The following NLRP5 variants were observed in gnomAD, a reference collection of about 807,000 sequenced individuals.
NLRP5 encodes the protein NACHT, LRR and PYD domains-containing protein 5.
In NLRP5, 93 loss-of-function variants were observed where a neutral mutation model predicts 113.1. The observed-to-expected ratio is 0.82, with a 90% confidence interval of 0.70 to 0.98. The LOEUF is 0.98. NLRP5 is among the 50% of genes least tolerant of loss of function. The pLI is 0.00. For synonymous variants in NLRP5, 751 were observed against 600.7 expected (o/e 1.25, Z -3.66); for missense variants, 1,808 against 1,514.3 (o/e 1.19, Z -3.22).
chr19:55,988,164 G>A, the NLRP5 span: 10 of 272,490 alleles, frequency 3.7e-5, no homozygotes, highest in Non-Finnish European at 6.3e-5. Flanking sequence ...GGTCGAGGTG[G>A]GCAGATTACC....
intron 11 of NLRP5, among the ~76,000 whole-genome samples, chr19:56,048,536 AAAC>A (rs1983808850): frequency 6.6e-6 from 1 of 151,600 alleles, no homozygotes; most frequent in Non-Finnish European, 1.5e-5. Flanking sequence ...TTCAAGGAAC[AAAC>A]AAGGGCCCCA....
chr19:56,017,375 G>A (rs1202842677), intron 4 of NLRP5, among the ~76,000 whole-genome samples: 1 of 141,094 alleles, frequency 7.1e-6, no homozygotes, highest in East Asian at 2.3e-4. Context: ...ACTTTAAGGT[G>A]GGAAGTTATA....
At chr19:56,053,945 C>A in intron 13 of NLRP5, 137 bp downstream of exon 13, 3 of 720,486 alleles carry the variant, frequency 4.2e-6, no homozygotes. Context: ...ACCTTCGCAG[C>A]ACCACAGATC....
intron 14 of NLRP5, among the ~76,000 whole-genome samples, chr19:56,059,853 A>C (rs1475273077): frequency 2.0e-5 from 3 of 152,142 alleles, no homozygotes; most frequent in African/African-American, 7.2e-5. Context: ...ATCAATAGAA[A>C]ATTTCTCAGT....
At chr19:56,010,851 G>A (rs536306954) in intron 3 of NLRP5, among the ~76,000 whole-genome samples, 1 of 150,282 alleles carries the variant, frequency 6.7e-6, no homozygotes, top group African/African-American at 2.5e-5. Flanking sequence ...ATATTATTTG[G>A]CATAAAAAGG....
intron 4 of NLRP5, among the ~76,000 whole-genome samples, chr19:56,017,489 TC>T (rs1982453894): frequency 6.6e-6 from 1 of 152,210 alleles, no homozygotes; most frequent in Non-Finnish European, 1.5e-5. Context: ...TCCACTCATT[TC>T]AAAGTATTTA....
the NLRP5 span, among the ~76,000 whole-genome samples, chr19:55,987,446 TAGG>T: frequency 2.0e-5 from 3 of 152,200 alleles, no homozygotes; most frequent in Admixed American, 6.5e-5. Context: ...CTGCATTTGG[TAGG>T]AGTCCAGAGG....
At chr19:56,029,178 C>A (rs1982997229) in intron 7 of NLRP5, among the ~76,000 whole-genome samples, 4 of 152,160 alleles carry the variant, frequency 2.6e-5, no homozygotes, top group Admixed American at 2.6e-4. Flanking sequence ...AGTAGGACAG[C>A]CACCAGCCTC....
At chr19:56,030,474 G>A (rs1324738201) in intron 7 of NLRP5, among the ~76,000 whole-genome samples, 1 of 152,088 alleles carries the variant, frequency 6.6e-6, no homozygotes, top group Non-Finnish European at 1.5e-5. Flanking sequence ...AAGTACAAAT[G>A]CTTGCTTTTT....
At chr19:55,995,549 C>G (rs1435566353), upstream of NLRP5, among the ~76,000 whole-genome samples, 1 of 152,098 alleles carries the variant, frequency 6.6e-6, no homozygotes, top group Admixed American at 6.6e-5. Flanking sequence ...TTTCTTTTTG[C>G]TCAAAATTGT....
At chr19:56,004,624 T>C (rs73934612) in intron 2 of NLRP5, among the ~76,000 whole-genome samples, 3,030 of 152,282 alleles carry the variant, frequency 0.02, 95 homozygotes, top group African/African-American at 0.069. Flanking sequence ...GCTTGGACTT[T>C]CTTGGGCTAT....
intron 11 of NLRP5, among the ~76,000 whole-genome samples, chr19:56,048,830 C>T (rs895543561): frequency 6.6e-6 from 1 of 151,694 alleles, no homozygotes; most frequent in East Asian, 1.9e-4. Context: ...CTTTAGAATT[C>T]TTTTTTCTCA....
intron 2 of NLRP5, among the ~76,000 whole-genome samples, chr19:56,005,905 A>G (rs570914858): frequency 6.6e-6 from 1 of 152,208 alleles, no homozygotes; most frequent in Non-Finnish European, 1.5e-5. Flanking sequence ...TGAAGCTGTG[A>G]TAGAGGATCT....
rs549379203 is a variant in NLRP5, at chr19:56,055,647, C to T, written c.3299+1839C>T. Among the ~76,000 whole-genome samples the T allele has an allele frequency of 5.4e-5, 8 of 148,244 alleles. No homozygotes were observed. The South Asian group carries it at 1.7e-3, about 32-fold the overall frequency. On this transcript the variant is annotated intron_variant, in intron 13 of 14. Transcript: ENST00000390649. ...TGCAAGCTCCGCCTCCCAGGTTCAC[C>T]CCATTCTCCTGCCTCAGCCTCCCAA...
intron 9 of NLRP5, among the ~76,000 whole-genome samples, chr19:56,034,391 G>GA (rs1269766477): frequency 6.6e-6 from 1 of 151,994 alleles, no homozygotes; most frequent in Non-Finnish European, 1.5e-5. Context: ...TGTCTCAAAG[G>GA]AAAAAAAGTG....
chr19:56,024,639 T>A (rs193044644), intron 6 of NLRP5, among the ~76,000 whole-genome samples: 1 of 151,020 alleles, frequency 6.6e-6, no homozygotes, highest in East Asian at 1.9e-4. Context: ...GCACCTGTAA[T>A]CCCAGCTACT....
At chr19:56,026,612 C>T (rs142921629) in intron 6 of NLRP5, among the ~76,000 whole-genome samples, 1 of 150,000 alleles carries the variant, frequency 6.7e-6, no homozygotes, top group East Asian at 2.0e-4. Context: ...TAGAGTCTCG[C>T]TCTGTGACCA....
chr19:56,059,666 C>T (rs1984282667), intron 14 of NLRP5, among the ~76,000 whole-genome samples: 1 of 152,146 alleles, frequency 6.6e-6, no homozygotes, highest in African/African-American at 2.4e-5. Flanking sequence ...TCCTGAGTGG[C>T]TGGGATTATA....
At chr19:55,996,507 C>T (rs1458757519), upstream of NLRP5, among the ~76,000 whole-genome samples, 1 of 152,082 alleles carries the variant, frequency 6.6e-6, no homozygotes, top group Non-Finnish European at 1.5e-5. Context: ...CCACAACAGT[C>T]CCCGGTGTGT....
Sources: gnomAD v4.1 joint callset for allele counts (sites outside exome capture counted in the v4.1 genomes callset) on GRCh38, gnomAD v4.1.1 for gene constraint, MANE v1.5 for transcripts, NCBI Gene and HGNC (gene_info 2026-07-23, HGNC 2026-07-21) for gene names.